The following NAALADL2 variants were observed in gnomAD, a reference collection of about 807,000 sequenced individuals.
NAALADL2 encodes the protein inactive N-acetylated-alpha-linked acidic dipeptidase-like protein 2.
In NAALADL2, 76 loss-of-function variants were observed where a neutral mutation model predicts 87.2. The observed-to-expected ratio is 0.87, with a 90% confidence interval of 0.72 to 1.05. The LOEUF (loss-of-function observed/expected upper bound fraction) is 1.05, where lower values mean the gene tolerates loss of function less well. Ranked by LOEUF, NAALADL2 falls within the 50% of genes least tolerant of loss-of-function variation. NAALADL2 has a pLI of 0.00. For missense variants in NAALADL2, 1,089 were observed against 945.8 expected (o/e 1.15, Z -1.99); for synonymous variants, 354 against 331.0 (o/e 1.07, Z -0.75).
At chr3:174,930,985 C>T (rs918472409) in intron 1 of NAALADL2, among the ~76,000 whole-genome samples, 1 of 151,998 alleles carries the variant, frequency 6.6e-6, no homozygotes, top group African/African-American at 2.4e-5. Flanking sequence ...AGTAGAATCA[C>T]TTTTTACCTA....
intron 5 of NAALADL2, among the ~76,000 whole-genome samples, chr3:175,441,018 T>C (rs1266414933): frequency 6.6e-6 from 1 of 152,096 alleles, no homozygotes; most frequent in East Asian, 1.9e-4. Context: ...CTGATATAGT[T>C]AATTTGGGGG....
intron 4 of NAALADL2, among the ~76,000 whole-genome samples, chr3:175,310,928 C>A (rs535099434): frequency 6.6e-6 from 1 of 150,670 alleles, no homozygotes; most frequent in South Asian, 2.1e-4. Flanking sequence ...AGCATGTCTA[C>A]AGATGAAAAA....
intron 5 of NAALADL2, among the ~76,000 whole-genome samples, chr3:175,364,896 A>G (rs1371541961): frequency 2.0e-5 from 3 of 147,768 alleles, no homozygotes; most frequent in Non-Finnish European, 3.0e-5. Flanking sequence ...TCAAACTGAC[A>G]TTTTTTGACA....
chr3:175,444,145 TAA>T (rs1487564602), intron 5 of NAALADL2, among the ~76,000 whole-genome samples: 8 of 152,170 alleles, frequency 5.3e-5, no homozygotes, highest in African/African-American at 1.9e-4. Context: ...AATGGCAAGC[TAA>T]AGAGTTTGGT....
intron 1 of NAALADL2, among the ~76,000 whole-genome samples, chr3:174,489,052 T>G (rs1429896023): frequency 1.3e-5 from 2 of 152,118 alleles, no homozygotes; most frequent in Non-Finnish European, 2.9e-5. Context: ...ATTGTATCTG[T>G]ACTCTGGATA....
intron 11 of NAALADL2, among the ~76,000 whole-genome samples, chr3:175,662,307 A>T (rs1732373557): frequency 6.6e-6 from 1 of 151,952 alleles, no homozygotes; most frequent in Non-Finnish European, 1.5e-5. Flanking sequence ...CACCATTAGA[A>T]CATAGAAAAG....
At chr3:175,599,955 G>A (rs1722734915) in intron 10 of NAALADL2, among the ~76,000 whole-genome samples, 1 of 151,936 alleles carries the variant, frequency 6.6e-6, no homozygotes, top group South Asian at 2.1e-4. Context: ...CTGTGTGAGA[G>A]CAGGACAGTG....
chr3:175,368,771 A>T (rs1479365404), intron 5 of NAALADL2, among the ~76,000 whole-genome samples: 1 of 152,138 alleles, frequency 6.6e-6, no homozygotes, highest in East Asian at 1.9e-4. Flanking sequence ...CGTATAGCTT[A>T]TTACTTCTAA....
chr3:175,666,115 A>C (rs949531038), intron 11 of NAALADL2, among the ~76,000 whole-genome samples: 3 of 152,134 alleles, frequency 2.0e-5, no homozygotes, highest in Non-Finnish European at 4.4e-5. Context: ...AGATCTCCTG[A>C]ATCCAAGACT....
intron 2 of NAALADL2, among the ~76,000 whole-genome samples, chr3:174,596,069 AAC>A (rs1489192995): frequency 6.6e-6 from 1 of 152,036 alleles, no homozygotes; most frequent in Non-Finnish European, 1.5e-5. Context: ...AAACAACAAA[AAC>A]AATATTAATA....
At chr3:174,786,867 C>A (rs907634116) in intron 3 of NAALADL2, among the ~76,000 whole-genome samples, 4 of 152,046 alleles carry the variant, frequency 2.6e-5, no homozygotes, top group African/African-American at 9.7e-5. Flanking sequence ...TTGTCGTCTT[C>A]TCCTGTATCT....
At chr3:175,436,054 TG>T (rs1718608898) in intron 5 of NAALADL2, among the ~76,000 whole-genome samples, 1 of 134,648 alleles carries the variant, frequency 7.4e-6, no homozygotes, top group Admixed American at 8.1e-5. Context: ...CCTGTGTCCA[TG>T]TGATCTCATT....
intron 10 of NAALADL2, among the ~76,000 whole-genome samples, chr3:175,626,534 C>T (rs143691281): frequency 6.6e-6 from 1 of 151,804 alleles, no homozygotes. Context: ...CTCGCAACTC[C>T]ACAGAATCTT....
intron 2 of NAALADL2, among the ~76,000 whole-genome samples, chr3:175,163,575 A>C (rs1450846937): frequency 6.6e-6 from 1 of 152,070 alleles, no homozygotes; most frequent in East Asian, 1.9e-4. Flanking sequence ...TGTTGAGAGT[A>C]GGGGAGATGC....
Position 175,641,122 on chromosome 3 carries a change from C to G in NAALADL2, c.1896+13736C>G, listed in dbSNP as rs551191865. On this transcript the variant is annotated intron_variant, in intron 11 of 13. Transcript: ENST00000454872. ...TTCCATTTCTTGTTTCCTCTTACCT[C>G]ATGACTAGCTTTCTCTAGAACACTC... is the stretch of plus-strand genomic sequence containing the variant. Among the ~76,000 whole-genome samples, 7 of 152,280 alleles carry G rather than the reference C, an allele frequency of 4.6e-5. No individual in the cohort carries two copies. In the East Asian group the frequency reaches 1.4e-3, roughly 29 times the overall value.
At chr3:175,352,056 A>G (rs1763833281) in intron 5 of NAALADL2, among the ~76,000 whole-genome samples, 1 of 152,068 alleles carries the variant, frequency 6.6e-6, no homozygotes, top group Non-Finnish European at 1.5e-5. Flanking sequence ...GCATGCATCG[A>G]GAGGGTATGA....
intron 9 of NAALADL2, among the ~76,000 whole-genome samples, chr3:175,476,195 CTAACT>C (rs1156511302): frequency 6.6e-6 from 1 of 152,090 alleles, no homozygotes; most frequent in Non-Finnish European, 1.5e-5. Context: ...TTTTGAGCTC[CTAACT>C]TGTCTATAGT....
intron 13 of NAALADL2, among the ~76,000 whole-genome samples, chr3:175,796,875 T>G (rs1279943442): frequency 6.6e-6 from 1 of 152,176 alleles, no homozygotes. Context: ...TTTCCATCAT[T>G]AATTTTCTAA....
chr3:174,589,396 G>C (rs1717110876), intron 2 of NAALADL2, among the ~76,000 whole-genome samples: 1 of 151,984 alleles, frequency 6.6e-6, no homozygotes, highest in Non-Finnish European at 1.5e-5. Flanking sequence ...ACAAGCCCCA[G>C]TGAGACCAAC....
Sources: gnomAD v4.1 joint callset for allele counts (sites outside exome capture counted in the v4.1 genomes callset) on GRCh38, gnomAD v4.1.1 for gene constraint, MANE v1.5 for transcripts, NCBI Gene and HGNC (gene_info 2026-07-23, HGNC 2026-07-21) for gene names.